Variants in UGT8 observed in about 807,000 individuals in gnomAD.
UGT8 encodes the protein 2-hydroxyacylsphingosine 1-beta-galactosyltransferase.
In UGT8, 12 loss-of-function variants were observed where a neutral mutation model predicts 40.5. The ratio of observed to expected loss-of-function variants is 0.30; its 90% confidence interval spans 0.19 to 0.48. The LOEUF (loss-of-function observed/expected upper bound fraction) is 0.48, where lower values mean the gene tolerates loss of function less well. Ranked by LOEUF, UGT8 falls within the 20% of genes least tolerant of loss-of-function variation. The pLI is 0.99. For synonymous variants in UGT8, 224 were observed against 240.4 expected (o/e 0.93, Z 0.63); for missense variants, 513 against 648.7 (o/e 0.79, Z 2.27).
chr4:114,637,138 A>G (rs1412258611), intron 2 of UGT8, among the ~76,000 whole-genome samples: 4 of 152,162 alleles, frequency 2.6e-5, no homozygotes, highest in African/African-American at 4.8e-5. Context: ...CACAATATGA[A>G]TGCCCCTAAT....
intron 1 of UGT8, among the ~76,000 whole-genome samples, chr4:114,606,594 A>AC (rs1262362551): frequency 1.3e-5 from 2 of 152,222 alleles, no homozygotes; most frequent in Non-Finnish European, 2.9e-5. Flanking sequence ...AAAGGCCAAG[A>AC]GTAAAACTGT....
intron 4 of UGT8, among the ~76,000 whole-genome samples, chr4:114,667,474 G>A (rs969480533): frequency 2.0e-5 from 3 of 152,052 alleles, no homozygotes; most frequent in African/African-American, 7.2e-5. Context: ...TAAATGTTAT[G>A]TGATGTCTCA....
At chr4:114,638,056 A>G (rs993494139) in intron 2 of UGT8, among the ~76,000 whole-genome samples, 2 of 152,344 alleles carry the variant, frequency 1.3e-5, no homozygotes, top group African/African-American at 4.8e-5. Flanking sequence ...TATATGATAT[A>G]CATTTAGAAT....
chr4:114,600,504 CT>C (rs2126080970), intron 1 of UGT8, among the ~76,000 whole-genome samples: 2 of 152,126 alleles, frequency 1.3e-5, no homozygotes, highest in South Asian at 4.1e-4. Flanking sequence ...GCCCTTTTTT[CT>C]TTTCTTTTTT....
In UGT8 at chr4:114,615,576, G is replaced by A. The variant is rs530017684; in HGVS notation, c.-2-7303G>A. Among the ~76,000 whole-genome samples, 46 of 152,236 alleles carry A rather than the reference G, an allele frequency of 3.0e-4. 1 individual carries two copies. The highest frequency in any genetic ancestry group is 9.1e-4 in the African/African-American group (38 of 41,556). On this transcript the variant is annotated intron_variant, in intron 1 of 5. Transcript: ENST00000310836. ...ATTTGGGCATAAGCAGGCAGGGCTG[G>A]TGTTATGGTTTTGCAGTCTCAGGAC...
chr4:114,622,521 G>A (rs994712235), intron 1 of UGT8: 8 of 195,212 alleles, frequency 4.1e-5, no homozygotes, highest in Non-Finnish European at 7.3e-5. Context: ...ACATTGACTT[G>A]CACAATGGTT....
intron 4 of UGT8, chr4:114,667,752 G>T: frequency 2.7e-6 from 1 of 365,706 alleles, no homozygotes; most frequent in Non-Finnish European, 3.8e-6. Flanking sequence ...TTTCACTCTG[G>T]TATTGTTTGG....
intron 2 of UGT8, among the ~76,000 whole-genome samples, chr4:114,648,729 A>G (rs952563402): frequency 6.6e-6 from 1 of 152,196 alleles, no homozygotes; most frequent in African/African-American, 2.4e-5. Flanking sequence ...TATGTATATC[A>G]TTGTTTGTCC....
chr4:114,623,849 T>C (rs1732013832), intron 2 of UGT8, 147 bp downstream of exon 2: 1 of 1,111,900 alleles, frequency 9.0e-7, no homozygotes, highest in African/African-American at 1.6e-5. Flanking sequence ...CAAAGTCCCT[T>C]TATGTGGGTC....
chr4:114,636,104 TTTCAGCTGAATACATTA>T (rs1340125551), intron 2 of UGT8, among the ~76,000 whole-genome samples: 1 of 152,222 alleles, frequency 6.6e-6, no homozygotes, highest in Non-Finnish European at 1.5e-5. Flanking sequence ...ATATATGTGA[TTTCAGCTGAATACATTA>T]TTTAAGCTAG....
At chr4:114,670,040 T>C (rs184491666) in intron 5 of UGT8, among the ~76,000 whole-genome samples, 12 of 152,246 alleles carry the variant, frequency 7.9e-5, no homozygotes, top group Admixed American at 7.2e-4. Context: ...AAGTAACTAA[T>C]ACTGTAAAAG....
intron 5 of UGT8, among the ~76,000 whole-genome samples, chr4:114,672,045 T>C (rs1178973893): frequency 6.6e-6 from 1 of 152,178 alleles, no homozygotes; most frequent in Non-Finnish European, 1.5e-5. Flanking sequence ...AAGACACTTA[T>C]GTGGCCAACA....
intron 2 of UGT8, among the ~76,000 whole-genome samples, chr4:114,636,762 A>G (rs1352509998): frequency 6.6e-6 from 1 of 151,806 alleles, no homozygotes; most frequent in African/African-American, 2.4e-5. Context: ...GTTTTACCCT[A>G]CATTGGAACC....
At chr4:114,673,747 A>G (rs1578476508) in intron 5 of UGT8, among the ~76,000 whole-genome samples, 1 of 152,086 alleles carries the variant, frequency 6.6e-6, no homozygotes, top group Non-Finnish European at 1.5e-5. Context: ...GTCACGTTTC[A>G]TTTTTGTATT....
At chr4:114,628,578 T>C (rs1371898875) in intron 2 of UGT8, among the ~76,000 whole-genome samples, 1 of 151,632 alleles carries the variant, frequency 6.6e-6, no homozygotes, top group Admixed American at 6.6e-5. Context: ...ACAGGGGCAG[T>C]GCTGAAAGTC....
intron 2 of UGT8, among the ~76,000 whole-genome samples, chr4:114,652,711 A>C (rs1452953951): frequency 6.6e-6 from 1 of 151,998 alleles, no homozygotes; most frequent in Non-Finnish European, 1.5e-5. Flanking sequence ...TATAGAATAT[A>C]ATGAGATGAA....
intron 2 of UGT8, among the ~76,000 whole-genome samples, chr4:114,651,871 AT>A (rs1042672669): frequency 9.9e-5 from 15 of 152,208 alleles, no homozygotes; most frequent in Admixed American, 9.2e-4. Flanking sequence ...GAGTTGATGG[AT>A]TTTTTATGGA....
In UGT8 at chr4:114,660,088, C is replaced by T. The variant is rs548698670; in HGVS notation, c.823-3907C>T. 2.0e-5 allele frequency among the ~76,000 whole-genome samples: 3 copies of T among 152,098 alleles called. No homozygotes were observed. The South Asian group carries it at 6.2e-4, about 32-fold the overall frequency. On this transcript the variant is annotated intron_variant, in intron 2 of 5. Coordinates refer to ENST00000310836, the MANE Select transcript of UGT8 (RefSeq NM_001128174.3). ...AGATTAAAACATTAAAGAAATGATG[C>T]TGTAAAATTATGAAAAGAAAATATG...
chr4:114,614,051 G>A (rs1731244055), intron 1 of UGT8, among the ~76,000 whole-genome samples: 1 of 151,982 alleles, frequency 6.6e-6, no homozygotes, highest in African/African-American at 2.4e-5. Context: ...CCTGCTTAAT[G>A]TTTTCAGAGA....
Sources: allele counts gnomAD v4.1 joint callset (sites outside exome capture counted in the v4.1 genomes callset), GRCh38; gene constraint gnomAD v4.1.1; transcripts MANE v1.5; gene names NCBI Gene and HGNC (gene_info 2026-07-23, HGNC 2026-07-21).